The following CCNL2 variants were observed in gnomAD, a reference collection of about 807,000 sequenced individuals.
The protein encoded by CCNL2 is cyclin L2.
A neutral mutation model predicts 59.1 loss-of-function variants in CCNL2; 28 were observed. The ratio of observed to expected loss-of-function variants is 0.47; its 90% CI spans 0.35 to 0.65. The LOEUF is 0.65. Among genes scored for constraint, CCNL2 ranks in the 30% least tolerant of loss-of-function variants. The pLI is 0.00. For missense variants in CCNL2, 714 were observed against 717.4 expected (o/e 1.00, Z 0.05); for synonymous variants, 342 against 288.6 (o/e 1.19, Z -1.88).
intron 8 of CCNL2, 88 bp from the exon 9 acceptor site, chr1:1,388,153 C>T (rs1393601724): frequency 9.9e-7 from 1 of 1,012,310 alleles, no homozygotes; most frequent in Non-Finnish European, 1.5e-6. Flanking sequence ...GGCCCCTCTA[C>T]AGGTCAAACA....
chr1:1,388,188 C>T (rs1031377028), intron 8 of CCNL2, 123 bp from the exon 9 acceptor site: 11 of 732,958 alleles, frequency 1.5e-5, no homozygotes, highest in Admixed American at 9.5e-5. Flanking sequence ...CTGTAACTTC[C>T]GGCTCCCAGC....
At chr1:1,391,440 T>C (rs1569933432) in intron 5 of CCNL2, 2 of 1,228,318 alleles carry the variant, frequency 1.6e-6, no homozygotes, top group Non-Finnish European at 2.1e-6. Flanking sequence ...AGGAGTCCAC[T>C]TGGAAGAGGG....
chr1:1,395,354 C>G, intron 4 of CCNL2, 40 bp downstream of exon 4: 2 of 1,608,810 alleles, frequency 1.2e-6, no homozygotes, highest in Non-Finnish European at 1.7e-6. Flanking sequence ...GCAGGAGCAG[C>G]GGCCTAGGCG....
chr1:1,387,997 GCCT>G lies in CCNL2; in HGVS notation c.1072_1074del (p.Arg358del). The stretch of plus-strand genomic sequence containing the variant: ...GCCTTGGCTTTCTTGGCGCCCTCCA[GCCT>G]CCTCTTGGTGTTCTTCACAGACAGT... On this transcript the variant is annotated inframe_deletion, in exon 9 of 11. Coordinates refer to ENST00000400809, the MANE Select transcript of CCNL2 (RefSeq NM_030937.6). 6.2e-7 allele frequency: 1 copy of G among 1,614,074 alleles called. No individual in the cohort carries two copies. The highest frequency in any genetic ancestry group is 8.5e-7 in the Non-Finnish European group (1 of 1,180,032).
intron 4 of CCNL2, chr1:1,395,141 A>G (rs189554903): frequency 2.3e-6 from 1 of 437,080 alleles, no homozygotes; most frequent in Non-Finnish European, 4.1e-6. Flanking sequence ...TAAACTCACC[A>G]CTATTTTTGA....
Position 1,387,239 on chromosome 1 carries a change from G to T in CCNL2, c.1555C>A (p.Arg519=). Residue 519 remains arginine, a synonymous_variant, in exon 11 of 11, where the codon CGG becomes AGG. Coordinates refer to ENST00000400809, the MANE Select transcript of CCNL2 (RefSeq NM_030937.6). ...ERDHPGHSRH[R]R The stretch of plus-strand genomic sequence containing the variant: ...GTCACTGCAACCCCGCCTCACCTCC[G>T]ATGCCTGCTGTGCCCAGGGTGGTCC... The T allele has an allele frequency of 6.2e-7, 1 of 1,601,608 alleles. No homozygotes were observed.
chr1:1,398,641 G>A lies in CCNL2; in HGVS notation c.319C>T (p.Gln107Ter). 1.2e-6 allele frequency: 2 copies of A among 1,614,020 alleles called. No individual in the cohort carries two copies. Among genetic ancestry groups the A allele is most frequent in the Non-Finnish European group, 1.7e-6 (2 of 1,179,992 alleles). ...AAGGACTTGGTATAAAAGAACCGCT[G>A]GAACAACACCTGCCCGGTAGCCATG... Reference protein sequence around the residue: ...VAMATGQVLFQRFFYTKSFVK... With the variant: ...VAMATGQVLF The change falls in exon 2 of 11, where the codon CAG becomes TAG. Residue 107 changes from glutamine (Q) to a stop codon, truncating the protein, a stop_gained. Coordinates refer to ENST00000400809, the MANE Select transcript of CCNL2 (RefSeq NM_030937.6). LOFTEE classifies it high-confidence loss of function.
chr1:1,390,354 C>A lies in CCNL2; in HGVS notation c.882G>T (p.Leu294=). The A allele has an allele frequency of 6.2e-7, 1 of 1,613,560 alleles. No individual in the cohort carries two copies. ...YARKKVDLTH[L]EGEVEKRKHA... is the part of the protein sequence containing the mutation. Reference sequence around the variant, plus strand: ...GCTTTCTTTTTTCCACTTCACCCTCCAGGTGTGTGAGATCAACCTGCAAAA... The same window carrying A: ...GCTTTCTTTTTTCCACTTCACCCTCAAGGTGTGTGAGATCAACCTGCAAAA... Residue 294 remains leucine, a synonymous_variant, in exon 8 of 11, where the codon CTG becomes CTT. Transcript: ENST00000400809.
At chr1:1,398,398 C>G (rs758308081) in intron 2 of CCNL2, 56 bp from the exon 3 acceptor site, 1 of 1,611,252 alleles carries the variant, frequency 6.2e-7, no homozygotes, top group South Asian at 1.1e-5. Flanking sequence ...GGCGTCCTGA[C>G]GGCCGCCAAA....
At chr1:1,398,380 C>T (rs369593012) in intron 2 of CCNL2, 38 bp from the exon 3 acceptor site, 11 of 1,612,918 alleles carry the variant, frequency 6.8e-6, no homozygotes, top group Admixed American at 1.7e-5. Flanking sequence ...ATGTTTGTCC[C>T]CAGCCACGGC....
Position 1,390,113 on chromosome 1 carries a change from C to CAA in CCNL2, c.1006+115_1006+116dup, listed in dbSNP as rs546221507. The CAA allele has an allele frequency of 4.1e-3, 2,813 of 693,386 alleles. 1 individual carries two copies. The highest frequency in any genetic ancestry group is 6.5e-3 in the Middle Eastern group (14 of 2,148). 43.0% of individuals were successfully genotyped at this position (693,386 alleles called of 1,614,324 possible). The stretch of plus-strand genomic sequence containing the variant: ...AGCCTGGGTGACAGAGACCCTGTCT[C>CAA]AAAAAAAAAAAAAAAAAAAATGTCT... On this transcript the variant is annotated intron_variant, in intron 8 of 10. Transcript: ENST00000400809.
chr1:1,388,154 A>G, intron 8 of CCNL2, 89 bp from the exon 9 acceptor site: 2 of 1,010,938 alleles, frequency 2.0e-6, no homozygotes, highest in East Asian at 2.4e-5. Flanking sequence ...GCCCCTCTAC[A>G]GGTCAAACAG....
At chr1:1,396,269 T>C (rs925306896) in intron 3 of CCNL2, among the ~76,000 whole-genome samples, 1 of 148,260 alleles carries the variant, frequency 6.7e-6, no homozygotes, top group African/African-American at 2.5e-5. Flanking sequence ...GATGAGGCCA[T>C]GTTTTTTCTT....
intron 5 of CCNL2, chr1:1,391,376 C>G (rs1208676747): frequency 2.6e-6 from 3 of 1,171,392 alleles, no homozygotes; most frequent in Non-Finnish European, 3.2e-6. Flanking sequence ...TCCTCTTCCT[C>G]CAGGGCGCTG....
At chr1:1,393,491 A>G (rs1347375981) in intron 4 of CCNL2, 31 bp from the exon 5 acceptor site, 1 of 1,582,570 alleles carries the variant, frequency 6.3e-7, no homozygotes. Flanking sequence ...AGTTATTACC[A>G]AGAACCTTAA....
chr1:1,390,620 C>T (rs531354471), intron 6 of CCNL2, 57 bp from the exon 7 acceptor site: 207 of 1,524,058 alleles, frequency 1.4e-4, no homozygotes, highest in Admixed American at 2.4e-4. Context: ...GCCAGCAAGA[C>T]TCAGGACAAT....
In CCNL2 at chr1:1,387,809, C is replaced by T; in HGVS notation, c.1179G>A (p.Arg393=). ...TAGGAGACGCTGATCGGGATGGGGA[C>T]CTCGAGTAGCTCTGCTCACGGCTCC... is the stretch of plus-strand genomic sequence containing the variant. ...RSRSREQSYS[R]SPSRSASPKR... is the part of the protein sequence containing the mutation. The change falls in exon 10 of 11, where the codon AGG becomes AGA. Residue 393 remains arginine (R), a synonymous_variant. Coordinates refer to ENST00000400809, the MANE Select transcript of CCNL2 (RefSeq NM_030937.6). 1 of 1,613,298 alleles carries T rather than the reference C, an allele frequency of 6.2e-7. No individual in the cohort carries two copies. The highest frequency in any genetic ancestry group is 8.5e-7 in the Non-Finnish European group (1 of 1,179,834).
chr1:1,388,849 G>A (rs548342977), intron 8 of CCNL2: 32 of 380,724 alleles, frequency 8.4e-5, no homozygotes, highest in Non-Finnish European at 1.4e-4. Context: ...GCCAAGGCGG[G>A]CAGATCAACT....
intron 3 of CCNL2, 122 bp from the exon 4 acceptor site, chr1:1,395,636 G>T (rs1644977695): frequency 7.2e-7 from 1 of 1,395,574 alleles, no homozygotes; most frequent in Non-Finnish European, 9.8e-7. Flanking sequence ...TCGCTATGAA[G>T]TCCACATCCT....
Sources: allele counts gnomAD v4.1 joint callset (sites outside exome capture counted in the v4.1 genomes callset), GRCh38; gene constraint gnomAD v4.1.1; transcripts MANE v1.5; gene names NCBI Gene and HGNC (gene_info 2026-07-23, HGNC 2026-07-21).